TBXA2R: variants seen among roughly 807,000 people sequenced by gnomAD.
TBXA2R encodes prostanoid TP receptor.
A neutral mutation model predicts 15.6 loss-of-function variants in TBXA2R; 15 were observed. That is an observed-to-expected ratio of 0.96 (90% confidence interval 0.64 to 1.48). TBXA2R has a LOEUF of 1.48. Among genes scored for constraint, TBXA2R ranks in the 40% most tolerant of loss-of-function variants. The pLI, the probability that TBXA2R is intolerant of heterozygous loss-of-function variation, is 0.00. For synonymous variants in TBXA2R, 280 were observed against 241.2 expected (o/e 1.16, Z -1.49); for missense variants, 506 against 491.4 (o/e 1.03, Z -0.28).
chr19:3,604,335 G>A (rs897523247), intron 1 of TBXA2R, among the ~76,000 whole-genome samples: 1 of 152,196 alleles, frequency 6.6e-6, no homozygotes, highest in Non-Finnish European at 1.5e-5. Context: ...GGAGGGCTCT[G>A]TCCGGCGCTG....
intron 2 of TBXA2R, among the ~76,000 whole-genome samples, chr19:3,598,305 T>C (rs2032640403): frequency 6.6e-6 from 1 of 151,888 alleles, no homozygotes; most frequent in African/African-American, 2.4e-5. Flanking sequence ...GCCACTTGCT[T>C]TGGGTTTTTT....
chr19:3,595,077 C>CAA lies in TBXA2R; in HGVS notation c.*610_*611insTT. 5 of 520,680 alleles carry CAA rather than the reference C, an allele frequency of 9.6e-6. No individual in the cohort carries two copies. The highest frequency in any genetic ancestry group is 9.2e-6 in the Non-Finnish European group (3 of 327,548). The allele number at this position is 520,680 out of a possible 1,614,324, so 32.3% of individuals were successfully genotyped here. ...GCTGGGCCACAGAGTGAGACTCCGT[C>CAA]TAAAAAAAAAAAAAAAAATGGCCAG... On this transcript the variant is annotated 3_prime_UTR_variant, in exon 3 of 3. Transcript: ENST00000375190.
intron 1 of TBXA2R, among the ~76,000 whole-genome samples, chr19:3,602,860 C>G (rs1156946457): frequency 2.0e-5 from 3 of 151,576 alleles, no homozygotes; most frequent in Non-Finnish European, 1.5e-5. Context: ...CACGGTGAAA[C>G]CCCGTCTCTA....
rs201894855 is a variant in TBXA2R at position 3,595,659 on chromosome 19, A to T, written c.*29T>A. On this transcript the variant is annotated 3_prime_UTR_variant, in exon 3 of 3. Coordinates refer to ENST00000375190, the MANE Select transcript of TBXA2R (RefSeq NM_001060.6). The stretch of plus-strand genomic sequence containing the variant: ...CCGAGGGGCCAAGGGCTCCGCGGAA[A>T]GGCGCGGGAGGGGCGCTCTGTCCAC... 1 of 1,549,570 alleles carries T rather than the reference A, an allele frequency of 6.5e-7. No individual in the cohort carries two copies. The highest frequency in any genetic ancestry group is 8.7e-7 in the Non-Finnish European group (1 of 1,144,314).
At chr19:3,596,171 GGTGGCTGCCA>G (rs1237551457) in intron 2 of TBXA2R, among the ~76,000 whole-genome samples, 3 of 152,162 alleles carry the variant, frequency 2.0e-5, no homozygotes, top group Non-Finnish European at 2.9e-5. Flanking sequence ...TGGGATTACA[GGTGGCTGCCA>G]CCACACCTGG....
rs1198625496 is a variant in TBXA2R at position 3,595,505 on chromosome 19, G to A, written c.*183C>T. The A allele has an allele frequency of 7.0e-7, 1 of 1,430,052 alleles. No individual in the cohort carries two copies. The highest frequency in any genetic ancestry group is 1.4e-5 in the African/African-American group (1 of 69,764). The allele number at this position is 1,430,052 out of a possible 1,614,324, so 88.6% of individuals were successfully genotyped here. ...GGGGCCGAGGAAGGGAGAGTGCTTGGTAAAAGGATCAGGGAGGAGTTGGGG... is the reference window on the plus strand; with the variant it reads ...GGGGCCGAGGAAGGGAGAGTGCTTGATAAAAGGATCAGGGAGGAGTTGGGG... On this transcript the variant is annotated 3_prime_UTR_variant, in exon 3 of 3. Coordinates refer to ENST00000375190, the MANE Select transcript of TBXA2R (RefSeq NM_001060.6).
Position 3,600,420 on chromosome 19 carries a change from AGGACGAG to A in TBXA2R, c.208_214del (p.Leu70SerfsTer9), listed in dbSNP as rs1446399939. 1 of 1,613,392 alleles carries A rather than the reference AGGACGAG, an allele frequency of 6.2e-7. No homozygotes were observed. Among genetic ancestry groups the A allele is most frequent in the African/African-American group, 1.3e-5 (1 of 75,036 alleles). ...CACCAGCAGCCCCAGGAAGTCGGTGAGGACGAGGCCGCAGAGGAAGGTGAGGAAGGAG... is the reference window on the plus strand; with the variant it reads ...CACCAGCAGCCCCAGGAAGTCGGTGAGCCGCAGAGGAAGGTGAGGAAGGAG... On this transcript the variant is annotated frameshift_variant, in exon 2 of 3. Coordinates refer to ENST00000375190, the MANE Select transcript of TBXA2R (RefSeq NM_001060.6). LOFTEE classifies it high-confidence loss of function.
chr19:3,603,148 G>A (rs562784320), intron 1 of TBXA2R, among the ~76,000 whole-genome samples: 5 of 152,242 alleles, frequency 3.3e-5, no homozygotes, highest in Non-Finnish European at 5.9e-5. Flanking sequence ...GCAGGGCCTG[G>A]GCTGTGGGGT....
At chr19:3,598,350 C>CTTTTTT (rs1177792648) in intron 2 of TBXA2R, among the ~76,000 whole-genome samples, 35 of 56,578 alleles carry the variant, frequency 6.2e-4, no homozygotes, top group African/African-American at 8.1e-4. Context: ...CTTTTCTTTT[C>CTTTTTT]TTTTTTTTTT....
In TBXA2R at chr19:3,595,715, C is replaced by T; in HGVS notation, c.1005G>A (p.Gln335=). 1 of 1,597,364 alleles carries T rather than the reference C, an allele frequency of 6.3e-7. No homozygotes were observed. Among genetic ancestry groups the T allele is most frequent in the South Asian group, 1.1e-5 (1 of 88,560 alleles). The change falls in exon 3 of 3, where the codon CAG becomes CAA. Residue 335 remains glutamine, a synonymous_variant. Coordinates refer to ENST00000375190, the MANE Select transcript of TBXA2R (RefSeq NM_001060.6). ...ACTGCAGCCCGGAGCGCTGCGTGAG[C>T]TGGGGCTGGAGGGACAGCGACCTGG... The part of the protein sequence containing the change: ...TRPRSLSLQP[Q]LTQRSGLQ
chr19:3,601,122 GA>G (rs773809473), intron 1 of TBXA2R, among the ~76,000 whole-genome samples: 2 of 151,854 alleles, frequency 1.3e-5, no homozygotes, highest in Non-Finnish European at 2.9e-5. Flanking sequence ...TCTATTTTGG[GA>G]ACAAAAAACA....
chr19:3,595,395 T>C lies in TBXA2R; in HGVS notation c.*293A>G. ...CTCCGTCTAAAAAAAAAAATAGCAA[T>C]GCAAGACCCTCTTCCAATGTCTGCA... On this transcript the variant is annotated 3_prime_UTR_variant, in exon 3 of 3. Coordinates refer to ENST00000375190, the MANE Select transcript of TBXA2R (RefSeq NM_001060.6). The C allele has an allele frequency of 7.2e-7, 1 of 1,383,180 alleles. No homozygotes were observed. Among genetic ancestry groups the C allele is most frequent in the South Asian group, 1.9e-5 (1 of 52,186 alleles). 85.7% of individuals were successfully genotyped at this position (1,383,180 alleles called of 1,614,324 possible).
chr19:3,601,101 T>C (rs561683294), intron 1 of TBXA2R, among the ~76,000 whole-genome samples: 6 of 151,848 alleles, frequency 4.0e-5, no homozygotes, highest in African/African-American at 1.2e-4. Flanking sequence ...AAATAAACCC[T>C]GAAATCCAGT....
rs1409323003 is a variant in TBXA2R at position 3,600,431 on chromosome 19, G to A, written c.204C>T (p.Cys68=). The change falls in exon 2 of 3, where the codon TGC becomes TGT. Residue 68 remains cysteine (C), a synonymous_variant. Coordinates refer to ENST00000375190, the MANE Select transcript of TBXA2R (RefSeq NM_001060.6). ...HTRSSFLTFL[C]GLVLTDFLGL... ...CCAGGAAGTCGGTGAGGACGAGGCCGCAGAGGAAGGTGAGGAAGGAGGAGC... is the reference window on the plus strand; with the variant it reads ...CCAGGAAGTCGGTGAGGACGAGGCCACAGAGGAAGGTGAGGAAGGAGGAGC... 1.2e-6 allele frequency: 2 copies of A among 1,613,184 alleles called. No homozygotes were observed. The highest frequency in any genetic ancestry group is 1.3e-5 in the African/African-American group (1 of 74,910).
At chr19:3,596,028 G>C in intron 2 of TBXA2R, 95 bp from the exon 3 acceptor site, 2 of 1,450,748 alleles carry the variant, frequency 1.4e-6, no homozygotes, top group Non-Finnish European at 9.4e-7. Context: ...GGTCCACTCC[G>C]TTTTTTAATT....
At position 3,594,879 on chromosome 19, in the gene TBXA2R, G is replaced by A. The variant is rs1297328068; in HGVS notation, c.*809C>T. ...AGCCTTCCCTGTTGGAGGTTCAAAA[G>A]GAAGCAACTGTACCCCAGCAAGTAG... On this transcript the variant is annotated 3_prime_UTR_variant, in exon 3 of 3. Transcript: ENST00000375190. 6.5e-7 allele frequency: 1 copy of A among 1,536,934 alleles called. No homozygotes were observed. Among genetic ancestry groups the A allele is most frequent in the South Asian group, 1.2e-5 (1 of 84,062 alleles).
At chr19:3,596,743 G>A (rs1356360025) in intron 2 of TBXA2R, among the ~76,000 whole-genome samples, 2 of 149,904 alleles carry the variant, frequency 1.3e-5, no homozygotes, top group Non-Finnish European at 3.0e-5. Flanking sequence ...CACCACATCC[G>A]GCTAATTTTT....
At chr19:3,604,210 G>A (rs574297345) in intron 1 of TBXA2R, among the ~76,000 whole-genome samples, 4 of 151,610 alleles carry the variant, frequency 2.6e-5, no homozygotes, top group Non-Finnish European at 5.9e-5. Flanking sequence ...CCTGGGTCCC[G>A]GGTTCCAGAA....
chr19:3,606,369 C>G (rs2032836126), intron 1 of TBXA2R, among the ~76,000 whole-genome samples, 161 bp downstream of exon 1: 1 of 152,216 alleles, frequency 6.6e-6, no homozygotes, highest in Non-Finnish European at 1.5e-5. Flanking sequence ...GGGCACCATG[C>G]CACCCGCCGG....
Sources: allele counts gnomAD v4.1 joint callset (sites outside exome capture counted in the v4.1 genomes callset), GRCh38; gene constraint gnomAD v4.1.1; transcripts MANE v1.5; gene names NCBI Gene and HGNC (gene_info 2026-07-23, HGNC 2026-07-21).